TMEM200C: variants seen among roughly 807,000 people sequenced by gnomAD.
TMEM200C encodes transmembrane protein 200C.
For synonymous variants in TMEM200C, 462 were observed against 324.7 expected (o/e 1.42, Z -4.55); for missense variants, 966 against 699.9 (o/e 1.38, Z -4.29).
exon 3 of TMEM200C, chr18:5,890,438 C>T (rs1270496836): frequency 6.4e-7 from 1 of 1,574,760 alleles, no homozygotes; most frequent in Non-Finnish European, 8.7e-7. Context: ...AGGTGCCGGC[C>T]TCCCGCAGGG....
exon 3 of TMEM200C, chr18:5,892,115 G>C: frequency 6.5e-7 from 1 of 1,534,340 alleles, no homozygotes; most frequent in Non-Finnish European, 8.8e-7. Flanking sequence ...CTTGCACAGG[G>C]AGGGCGCCAA....
chr18:5,889,738 C>T (rs779316948), exon 3 of TMEM200C: 1 of 152,336 alleles, frequency 6.6e-6, no homozygotes, highest in Non-Finnish European at 1.5e-5. Flanking sequence ...CTGAGACAAA[C>T]TCTTCTATGT....
In TMEM200C at chr18:5,891,284, C is replaced by G; in HGVS notation, c.780G>C (p.Glu260Asp). The G allele has an allele frequency of 2.1e-6, 3 of 1,414,780 alleles. No homozygotes were observed. Among genetic ancestry groups the G allele is most frequent in the Non-Finnish European group, 2.8e-6 (3 of 1,079,536 alleles). The allele number at this position is 1,414,780 out of a possible 1,614,324, so 87.6% of individuals were successfully genotyped here. ...AGCCACCGCAGCCCCCGGGCTTCAG[C>G]TCCAGGCCCCGCGACTGCACGTAGC... Residue 260 changes from glutamate to aspartate, a missense_variant, in exon 3 of 3, where the codon GAG becomes GAC. By Grantham distance (45) the Glu-to-Asp change is conservative (BLOSUM62 2). Transcript: ENST00000581347. The surrounding 1 kb of genome is among the most constrained non-coding windows in gnomAD (Gnocchi z 4.7).
exon 3 of TMEM200C, chr18:5,886,232 A>G (rs1156625232): frequency 1.3e-5 from 2 of 152,196 alleles, no homozygotes; most frequent in Admixed American, 6.5e-5. Flanking sequence ...GACAATTTAA[A>G]TAACTCAATA....
exon 3 of TMEM200C, chr18:5,884,241 A>T (rs1018500992): frequency 6.6e-6 from 1 of 152,088 alleles, no homozygotes; most frequent in Non-Finnish European, 1.5e-5. Flanking sequence ...CTAGGTAATA[A>T]TTAAATATCA....
At chr18:5,888,946 T>G (rs547641504) in exon 3 of TMEM200C, 3 of 152,336 alleles carry the variant, frequency 2.0e-5, no homozygotes, top group Middle Eastern at 3.4e-3. Context: ...TCTACAGGAC[T>G]AGCGCTTTGC....
At chr18:5,894,905 C>G (rs2095174464) in intron 2 of TMEM200C, 125 bp downstream of exon 1, 1 of 152,510 alleles carries the variant, frequency 6.6e-6, no homozygotes, top group Admixed American at 6.5e-5. Context: ...AAGCCTCTCA[C>G]CGAACACCAG....
upstream of TMEM200C, among the ~76,000 whole-genome samples, chr18:5,896,171 C>T (rs1010139759): frequency 6.6e-6 from 1 of 152,172 alleles, no homozygotes; most frequent in African/African-American, 2.4e-5. Flanking sequence ...GCTTGGAAGC[C>T]TCTGCCAGAT....
At chr18:5,890,207 T>C in exon 3 of TMEM200C, 2 of 1,548,616 alleles carry the variant, frequency 1.3e-6, no homozygotes, top group Non-Finnish European at 8.8e-7. Flanking sequence ...TCTAAATGCC[T>C]GTGCTTTCCA....
At chr18:5,890,218 GTTC>G (rs778173471) in exon 3 of TMEM200C, 9 of 1,560,034 alleles carry the variant, frequency 5.8e-6, no homozygotes, top group East Asian at 4.6e-5. Flanking sequence ...GTGCTTTCCA[GTTC>G]TTCTTCTACC....
chr18:5,886,830 T>G (rs566576436), exon 3 of TMEM200C: 30 of 152,294 alleles, frequency 2.0e-4, no homozygotes, highest in Non-Finnish European at 4.0e-4. Flanking sequence ...CTATGTTGCC[T>G]TATACTTTAG....
chr18:5,892,285 G>C, intron 2 of TMEM200C, 128 bp from the exon 2 acceptor site: 1 of 590,974 alleles, frequency 1.7e-6, no homozygotes. Context: ...TCCACTAACT[G>C]AAACAAGGCC....
At chr18:5,887,272 T>C (rs2095166097) in exon 3 of TMEM200C, 1 of 152,156 alleles carries the variant, frequency 6.6e-6, no homozygotes, top group Non-Finnish European at 1.5e-5. Flanking sequence ...GATTCTATCA[T>C]CTATAAGGCC....
chr18:5,887,549 A>G (rs1210795703), exon 3 of TMEM200C: 1 of 152,160 alleles, frequency 6.6e-6, no homozygotes, highest in African/African-American at 2.4e-5. Context: ...ACTCTGTGTA[A>G]ATCCTGGATC....
chr18:5,882,823 A>C (rs2095162740), exon 3 of TMEM200C: 1 of 152,160 alleles, frequency 6.6e-6, no homozygotes, highest in African/African-American at 2.4e-5. Context: ...CTAGAAATAC[A>C]AAGAGAATAA....
chr18:5,892,046 G>A, exon 3 of TMEM200C: 1 of 1,613,064 alleles, frequency 6.2e-7, no homozygotes, highest in Non-Finnish European at 8.5e-7. Flanking sequence ...TCCTTAGCAG[G>A]CCGCCGGTGG....
At chr18:5,888,406 T>C (rs1457587908) in exon 3 of TMEM200C, 1 of 152,236 alleles carries the variant, frequency 6.6e-6, no homozygotes, top group Non-Finnish European at 1.5e-5. Flanking sequence ...AATGTTGAGC[T>C]AATGGTAATT....
exon 3 of TMEM200C, chr18:5,890,631 T>C: frequency 1.1e-6 from 1 of 873,790 alleles, no homozygotes. Context: ...CGGCGCCCGG[T>C]AGTCCGGGAG....
Position 5,891,359 on chromosome 18 carries a change from A to AGAC in TMEM200C, c.702_704dup (p.Ser235dup), listed in dbSNP as rs1344937147. 3 of 1,340,126 alleles carry AGAC rather than the reference A, an allele frequency of 2.2e-6. No homozygotes were observed. The East Asian group carries it at 9.4e-5, about 42-fold the overall frequency. The allele number at this position is 1,340,126 out of a possible 1,614,324, so 83.0% of individuals were successfully genotyped here. A position where few individuals can be genotyped will look rare whatever the true frequency, so the allele number is the denominator to read the frequency against. The stretch of plus-strand genomic sequence containing the variant: ...CCCCGGGGGGCGCCGCGGCGGGGGC[A>AGAC]GACGACGACGAAGAGGCGGCGGCGG... On this transcript the variant is annotated inframe_insertion, in exon 3 of 3. Transcript: ENST00000581347. This position sits in a 1 kb window ranked among gnomAD's most constrained non-coding sequence, Gnocchi z 4.7.
Sources: gnomAD v4.1 joint callset for allele counts (sites outside exome capture counted in the v4.1 genomes callset) on GRCh38, gnomAD v4.1.1 for gene constraint, Gnocchi (gnomAD v3.1) non-coding constraint, MANE v1.5 for transcripts, NCBI Gene and HGNC (gene_info 2026-07-23, HGNC 2026-07-21) for gene names.